Variants in TSHR observed in about 807,000 individuals in gnomAD.
TSHR encodes thyroid stimulating hormone receptor.
In TSHR, 51 loss-of-function variants were observed where a neutral mutation model predicts 64.1. The observed-to-expected ratio is 0.80, with a 90% CI of 0.64 to 1.01. The LOEUF is 1.01. Among genes scored for constraint, TSHR ranks in the 50% least tolerant of loss-of-function variants. The pLI is 0.00. For synonymous variants in TSHR, 361 were observed against 361.9 expected (o/e 1.00, Z 0.03); for missense variants, 877 against 942.8 (o/e 0.93, Z 0.91).
chr14:81,080,046 G>C (rs1259181519), intron 3 of TSHR, among the ~76,000 whole-genome samples: 1 of 152,040 alleles, frequency 6.6e-6, no homozygotes, highest in Non-Finnish European at 1.5e-5. Context: ...TCCGCCTCCT[G>C]GGTTCAAGGG....
At chr14:81,094,982 T>C (rs1204976116) in intron 6 of TSHR, among the ~76,000 whole-genome samples, 2 of 152,164 alleles carry the variant, frequency 1.3e-5, no homozygotes, top group Non-Finnish European at 2.9e-5. Flanking sequence ...CTCAGGATCA[T>C]CCAGCTATTA....
chr14:81,076,880 C>G (rs1278957267), intron 3 of TSHR, among the ~76,000 whole-genome samples: 1 of 152,104 alleles, frequency 6.6e-6, no homozygotes, highest in Admixed American at 6.6e-5. Flanking sequence ...ACAGCCAGGC[C>G]CACAAGTTCA....
In TSHR at chr14:81,103,913, A is replaced by G. The variant is rs1001095963; in HGVS notation, c.615-4462A>G. On this transcript the variant is annotated intron_variant, in intron 7 of 9. Transcript: ENST00000298171. This position sits in a 1 kb window ranked among gnomAD's most constrained non-coding sequence, Gnocchi z 4.1. ...AAAAATACCATTTTGATATGCTAAG[A>G]GCCCACCAATACACTAATTATTATG... 13 of 985,346 alleles carry G rather than the reference A, an allele frequency of 1.3e-5. No homozygotes were observed. The highest frequency in any genetic ancestry group is 1.7e-5 in the African/African-American group (1 of 57,246). The allele number at this position is 985,346 out of a possible 1,614,324, so 61.0% of individuals were successfully genotyped here. A position where few individuals can be genotyped will look rare whatever the true frequency, so the allele number is the denominator to read the frequency against.
chr14:80,991,058 AT>A (rs1351055664), intron 1 of TSHR, among the ~76,000 whole-genome samples: 8 of 152,252 alleles, frequency 5.3e-5, no homozygotes, highest in Non-Finnish European at 8.8e-5. Flanking sequence ...TCTCTTAAGA[AT>A]TATGTGCAAA....
intron 1 of TSHR, among the ~76,000 whole-genome samples, chr14:80,960,887 A>G (rs1032420124): frequency 1.3e-5 from 2 of 152,270 alleles, no homozygotes; most frequent in African/African-American, 4.8e-5. Context: ...TAGAAACCAC[A>G]GCCACTGGAC....
At chr14:80,983,712 A>G (rs1888292403) in intron 1 of TSHR, 1 of 482,728 alleles carries the variant, frequency 2.1e-6, no homozygotes, top group Admixed American at 3.8e-5. Flanking sequence ...AGAGCCTTGT[A>G]TCATATTTGG....
intron 1 of TSHR, among the ~76,000 whole-genome samples, chr14:80,979,950 C>T (rs1002479637): frequency 5.3e-5 from 8 of 152,224 alleles, no homozygotes; most frequent in Non-Finnish European, 8.8e-5. Flanking sequence ...GAGTAAAATA[C>T]GCTATTGGCT....
chr14:80,970,579 G>A lies in TSHR; in HGVS notation c.170+14729G>A, dbSNP rs72693058. Among the ~76,000 whole-genome samples the A allele has an allele frequency of 4.5e-3, 689 of 152,330 alleles. 2 individuals are homozygous for A. The highest frequency in any genetic ancestry group is 8.0e-3 in the Non-Finnish European group (544 of 68,028). On this transcript the variant is annotated intron_variant, in intron 1 of 9. Coordinates refer to ENST00000298171, the MANE Select transcript of TSHR (RefSeq NM_000369.5). ...ATATCCTTGTCCAGGATGGATATCT[G>A]TAGTGTTGTAAGACCTGCTGGGCTG...
chr14:81,055,174 G>T (rs1595011652), intron 1 of TSHR, among the ~76,000 whole-genome samples: 1 of 152,258 alleles, frequency 6.6e-6, no homozygotes, highest in East Asian at 1.9e-4. Flanking sequence ...TGGCTTCAGA[G>T]GATGCAAGCC....
rs1487655997 is a variant in TSHR at position 80,967,418 on chromosome 14, G to T, written c.170+11568G>T. Among the ~76,000 whole-genome samples, 6 of 151,504 alleles carry T rather than the reference G, an allele frequency of 4.0e-5. No homozygotes were observed. In the East Asian group the frequency reaches 1.2e-3, roughly 29 times the overall value. On this transcript the variant is annotated intron_variant, in intron 1 of 9. Coordinates refer to ENST00000298171, the MANE Select transcript of TSHR (RefSeq NM_000369.5). ...TCCTGCCTCAGCCTCCCTAGAAGCTGGGATTACAAGCATGTGCCACCATAC... is the reference window on the plus strand; with the variant it reads ...TCCTGCCTCAGCCTCCCTAGAAGCTTGGATTACAAGCATGTGCCACCATAC...
chr14:81,130,567 G>C (rs1756821748), intron 8 of TSHR, among the ~76,000 whole-genome samples: 1 of 151,972 alleles, frequency 6.6e-6, no homozygotes, highest in Non-Finnish European at 1.5e-5. Context: ...CTCCATCTTT[G>C]ATATTCTTTT....
intron 3 of TSHR, among the ~76,000 whole-genome samples, chr14:81,087,242 A>G (rs1888350055): frequency 6.6e-6 from 1 of 152,196 alleles, no homozygotes; most frequent in Non-Finnish European, 1.5e-5. Flanking sequence ...GGAATGCCTT[A>G]AACTCTTTTA....
intron 3 of TSHR, among the ~76,000 whole-genome samples, chr14:81,078,066 T>G (rs968872081): frequency 1.3e-5 from 2 of 152,180 alleles, no homozygotes; most frequent in Non-Finnish European, 2.9e-5. Flanking sequence ...CTTTAAAGAT[T>G]CAATTAACTT....
intron 1 of TSHR, among the ~76,000 whole-genome samples, chr14:80,966,366 A>G (rs1427273322): frequency 6.6e-6 from 1 of 152,102 alleles, no homozygotes; most frequent in East Asian, 1.9e-4. Context: ...CTTGGCAGTT[A>G]TTTCTGGGTT....
chr14:81,066,841 A>G (rs1349535125), intron 2 of TSHR, among the ~76,000 whole-genome samples: 1 of 152,190 alleles, frequency 6.6e-6, no homozygotes, highest in East Asian at 1.9e-4. Context: ...CTATGGCTGG[A>G]AACCATCTGT....
chr14:81,088,438 A>C (rs186498212), intron 4 of TSHR, among the ~76,000 whole-genome samples: 25 of 152,262 alleles, frequency 1.6e-4, no homozygotes, highest in African/African-American at 5.3e-4. Flanking sequence ...TGGGGAGTGG[A>C]GGGAAAACAG....
Position 80,955,838 on chromosome 14 carries a change from G to C in TSHR, c.158G>C (p.Ser53Thr). 1 of 1,614,208 alleles carries C rather than the reference G, an allele frequency of 6.2e-7. No individual in the cohort carries two copies. ...DIQRIPSLPP[S>T]TQTLKLIETH... ...CAACGCATCCCCAGCTTACCGCCCAGTACGCAGACTCTGTGAGTACCCGGG... is the reference window on the plus strand; with the variant it reads ...CAACGCATCCCCAGCTTACCGCCCACTACGCAGACTCTGTGAGTACCCGGG... Residue 53 changes from serine (S) to threonine (T), a missense_variant, in exon 1 of 10, where the codon AGT becomes ACT. Coordinates refer to ENST00000298171, the MANE Select transcript of TSHR (RefSeq NM_000369.5).
At chr14:81,096,764 A>G (rs1390044555) in intron 7 of TSHR, 57 bp downstream of exon 7, 17 of 1,543,270 alleles carry the variant, frequency 1.1e-5, no homozygotes, top group Admixed American at 3.4e-5. Flanking sequence ...GAACCATCCA[A>G]TGGGGCAGAA....
In TSHR at chr14:81,000,993, A is replaced by G. The variant is rs181360861; in HGVS notation, c.170+45143A>G. Among the ~76,000 whole-genome samples the G allele has an allele frequency of 3.1e-3, 478 of 152,262 alleles. 6 individuals carry two copies. Among genetic ancestry groups the G allele is most frequent in the African/African-American group, 0.011 (461 of 41,540 alleles). Reference sequence around the variant, plus strand: ...ATGCACCAACTTTTCAAGGAAAAACAAGGACAGGCGATTCTAGGCCTTAAG... The same window carrying G: ...ATGCACCAACTTTTCAAGGAAAAACGAGGACAGGCGATTCTAGGCCTTAAG... On this transcript the variant is annotated intron_variant, in intron 1 of 9. Coordinates refer to ENST00000298171, the MANE Select transcript of TSHR (RefSeq NM_000369.5).
Sources: allele counts gnomAD v4.1 joint callset (sites outside exome capture counted in the v4.1 genomes callset), GRCh38; gene constraint gnomAD v4.1.1; non-coding constraint Gnocchi (gnomAD v3.1); transcripts MANE v1.5; gene names NCBI Gene and HGNC (gene_info 2026-07-23, HGNC 2026-07-21).